The following ZNF678 variants were observed in gnomAD, a reference collection of about 807,000 sequenced individuals.
ZNF678 encodes hypothetical protein MGC42493.
ZNF678 carries 5 observed loss-of-function variants against 3.0 expected under a neutral mutation model. The observed-to-expected ratio is 1.69, with a 90% CI of 0.88 to 3.56. ZNF678 has a LOEUF of 3.56. ZNF678 is among the 30% of genes most tolerant of loss of function. The pLI, the probability that ZNF678 is intolerant of heterozygous loss-of-function variation, is 0.00. For synonymous variants in ZNF678, 218 were observed against 199.6 expected (o/e 1.09, Z -0.78); for missense variants, 593 against 605.0 (o/e 0.98, Z 0.21).
intron 1 of ZNF678, among the ~76,000 whole-genome samples, chr1:227,613,745 A>G (rs573294418): frequency 2.0e-5 from 3 of 151,918 alleles, no homozygotes; most frequent in African/African-American, 7.2e-5. Context: ...TCCCATGGTG[A>G]CTCCCTTGCA....
intron 5 of ZNF678, among the ~76,000 whole-genome samples, chr1:227,676,085 T>G (rs1429581582): frequency 6.6e-6 from 1 of 152,208 alleles, no homozygotes; most frequent in Non-Finnish European, 1.5e-5. Flanking sequence ...TTGGGACATT[T>G]AACAATTTTG....
chr1:227,571,023 T>G (rs956698453), intron 1 of ZNF678, among the ~76,000 whole-genome samples: 3 of 152,198 alleles, frequency 2.0e-5, no homozygotes, highest in Non-Finnish European at 4.4e-5. Context: ...TAACCATATT[T>G]CACAAAATTT....
At chr1:227,629,042 T>C (rs1298661934) in intron 1 of ZNF678, among the ~76,000 whole-genome samples, 5 of 152,208 alleles carry the variant, frequency 3.3e-5, no homozygotes, top group African/African-American at 7.2e-5. Context: ...AACAGCCTCA[T>C]TGATGATCCT....
Position 227,660,949 on chromosome 1 carries a change from A to G in ZNF678, c.*5121A>G, listed in dbSNP as rs1659388638. On this transcript the variant is annotated 3_prime_UTR_variant, in exon 4 of 4. Transcript: ENST00000343776. ...TTTCTAAAATTCTTTTTCTGCATTC[A>G]CTTAAAAGTTATAATTGGTTCTGAG... 2 of 152,166 alleles carry G rather than the reference A, an allele frequency of 1.3e-5. No homozygotes were observed. Among genetic ancestry groups the G allele is most frequent in the South Asian group, 2.1e-4 (1 of 4,832 alleles). 9.4% of individuals were successfully genotyped at this position (152,166 alleles called of 1,614,324 possible).
At chr1:227,664,130 T>TA (rs1327738615), downstream of ZNF678, among the ~76,000 whole-genome samples, 1 of 152,104 alleles carries the variant, frequency 6.6e-6, no homozygotes, top group Non-Finnish European at 1.5e-5. Flanking sequence ...GAGCCATGAT[T>TA]ACACCACTGC....
intron 1 of ZNF678, chr1:227,582,486 A>ATT: frequency 1.1e-5 from 1 of 90,070 alleles, no homozygotes; most frequent in South Asian, 2.4e-4. Context: ...TTGCCCAGCT[A>ATT]ATTTTTTTTT....
At chr1:227,587,846 A>G (rs1169757057) in intron 1 of ZNF678, among the ~76,000 whole-genome samples, 1 of 151,530 alleles carries the variant, frequency 6.6e-6, no homozygotes, top group Non-Finnish European at 1.5e-5. Context: ...AGACTTTAAA[A>G]AAAATTCAGG....
At chr1:227,609,895 A>T (rs1326013910) in intron 1 of ZNF678, among the ~76,000 whole-genome samples, 1 of 152,002 alleles carries the variant, frequency 6.6e-6, no homozygotes, top group Non-Finnish European at 1.5e-5. Context: ...CACCACGCCC[A>T]GCTAATTTTT....
At chr1:227,630,363 C>G (rs1412400803) in intron 1 of ZNF678, among the ~76,000 whole-genome samples, 1 of 152,236 alleles carries the variant, frequency 6.6e-6, no homozygotes, top group Non-Finnish European at 1.5e-5. Context: ...ACACTGGAAA[C>G]TGCCTGCTGG....
downstream of ZNF678, among the ~76,000 whole-genome samples, chr1:227,664,501 A>G (rs764083520): frequency 2.0e-5 from 3 of 152,110 alleles, no homozygotes; most frequent in Non-Finnish European, 2.9e-5. Flanking sequence ...CTCTCCTGAG[A>G]TGCCCTGTGT....
chr1:227,646,698 T>C (rs769440727), intron 2 of ZNF678, 28 bp downstream of exon 2: 1 of 1,365,754 alleles, frequency 7.3e-7, no homozygotes, highest in South Asian at 1.1e-5. Context: ...ACACAATTTA[T>C]GTATTTCATA....
chr1:227,671,354 A>ATATTTGCAATTCTGCCC (rs375754638), intron 5 of ZNF678, among the ~76,000 whole-genome samples: 3 of 151,994 alleles, frequency 2.0e-5, no homozygotes, highest in African/African-American at 7.3e-5. Flanking sequence ...ATGTCCCGCC[A>ATATTTGCAATTCTGCCC]TATTTGCAAT....
intron 1 of ZNF678, among the ~76,000 whole-genome samples, chr1:227,594,264 A>C (rs1473093855): frequency 6.6e-6 from 1 of 152,168 alleles, no homozygotes; most frequent in African/African-American, 2.4e-5. Flanking sequence ...TATACCAGAT[A>C]AGCTAAATTT....
At chr1:227,631,085 G>A (rs1236541668) in intron 1 of ZNF678, among the ~76,000 whole-genome samples, 1 of 152,058 alleles carries the variant, frequency 6.6e-6, no homozygotes, top group South Asian at 2.1e-4. Context: ...GGTCAAATTG[G>A]CCCAATTCTC....
chr1:227,613,120 C>T (rs562005330), intron 1 of ZNF678, among the ~76,000 whole-genome samples: 7 of 152,282 alleles, frequency 4.6e-5, no homozygotes, highest in South Asian at 2.1e-4. Context: ...AACAGCCTCC[C>T]TTTGGACTCC....
intron 1 of ZNF678, among the ~76,000 whole-genome samples, chr1:227,610,352 T>C (rs1390402): frequency 0.019 from 2,828 of 152,308 alleles, 86 homozygotes; most frequent in African/African-American, 0.065. Flanking sequence ...AAAACCTACA[T>C]ATATAGTAGT....
intron 1 of ZNF678, among the ~76,000 whole-genome samples, chr1:227,579,605 G>T (rs529590521): frequency 6.6e-6 from 1 of 152,284 alleles, no homozygotes; most frequent in South Asian, 2.1e-4. Context: ...GGAGGGAACA[G>T]ACAGGCTTGT....
chr1:227,563,903 T>A (rs1168483096), intron 1 of ZNF678, among the ~76,000 whole-genome samples, 179 bp downstream of exon 1: 3 of 152,200 alleles, frequency 2.0e-5, no homozygotes, highest in Non-Finnish European at 2.9e-5. Flanking sequence ...CGCCCCGGCC[T>A]CTCTGGGCGG....
At chr1:227,594,878 T>G (rs1410725764) in intron 1 of ZNF678, among the ~76,000 whole-genome samples, 10 of 152,182 alleles carry the variant, frequency 6.6e-5, no homozygotes, top group Non-Finnish European at 1.3e-4. Flanking sequence ...TCTGAACTGG[T>G]GAGGTGTGCT....
Sources: gnomAD v4.1 joint callset for allele counts (sites outside exome capture counted in the v4.1 genomes callset) on GRCh38, gnomAD v4.1.1 for gene constraint, MANE v1.5 for transcripts, NCBI Gene and HGNC (gene_info 2026-07-23, HGNC 2026-07-21) for gene names.